The following PLXNA2 variants were observed in gnomAD, a reference collection of about 807,000 sequenced individuals.
PLXNA2 encodes the protein plexin A2.
PLXNA2 carries 91 observed loss-of-function variants against 193.5 expected under a neutral mutation model. The observed-to-expected ratio is 0.47, with a 90% CI of 0.40 to 0.56. The LOEUF is 0.56. Among genes scored for constraint, PLXNA2 ranks in the 20% least tolerant of loss-of-function variants. PLXNA2 has a pLI of 0.00. For missense variants in PLXNA2, 1,995 were observed against 2,503.2 expected (o/e 0.80, Z 4.33); for synonymous variants, 997 against 1,027.3 (o/e 0.97, Z 0.56).
intron 6 of PLXNA2, 59 bp downstream of exon 6, chr1:208,098,787 A>T (rs1666999456): frequency 7.6e-6 from 12 of 1,573,176 alleles, no homozygotes; most frequent in Non-Finnish European, 1.0e-5. Flanking sequence ...AATGGAGCAC[A>T]CCCACACAGG....
chr1:208,144,136 C>G (rs1668537875), intron 3 of PLXNA2, among the ~76,000 whole-genome samples: 1 of 152,120 alleles, frequency 6.6e-6, no homozygotes, highest in African/African-American at 2.4e-5. Context: ...TCATCTTCTC[C>G]CTCTGCCTGT....
intron 3 of PLXNA2, among the ~76,000 whole-genome samples, chr1:208,189,416 A>C (rs1670105653): frequency 6.6e-6 from 1 of 151,936 alleles, no homozygotes; most frequent in African/African-American, 2.4e-5. Context: ...CAGGAGGCCC[A>C]GAATAGGGAG....
intron 3 of PLXNA2, 81 bp from the exon 4 acceptor site, chr1:208,142,544 G>T (rs762017136): frequency 4.9e-5 from 67 of 1,371,422 alleles, no homozygotes; most frequent in Non-Finnish European, 6.2e-5. Flanking sequence ...AGAGCAGGTA[G>T]CTTACAGAAG....
At chr1:208,150,275 T>C (rs934014524) in intron 3 of PLXNA2, among the ~76,000 whole-genome samples, 3 of 152,170 alleles carry the variant, frequency 2.0e-5, no homozygotes, top group South Asian at 2.1e-4. Flanking sequence ...CGGTTAACAC[T>C]GGAGATTGAC....
chr1:208,142,780 A>T (rs1212987918), intron 3 of PLXNA2, among the ~76,000 whole-genome samples: 1 of 152,156 alleles, frequency 6.6e-6, no homozygotes, highest in Non-Finnish European at 1.5e-5. Context: ...AGCACTGTGT[A>T]TTGTATGTGT....
At chr1:208,141,564 A>G (rs1249181544) in intron 4 of PLXNA2, among the ~76,000 whole-genome samples, 5 of 152,182 alleles carry the variant, frequency 3.3e-5, no homozygotes, top group African/African-American at 9.7e-5. Context: ...GCTGCTGCTG[A>G]ACAACTATTA....
At chr1:208,102,182 C>T (rs2102416630) in intron 5 of PLXNA2, among the ~76,000 whole-genome samples, 1 of 152,328 alleles carries the variant, frequency 6.6e-6, no homozygotes, top group Non-Finnish European at 1.5e-5. Context: ...CAGCTTCCCT[C>T]CCTCCCTCCA....
Position 208,046,029 on chromosome 1 carries a change from C to T in PLXNA2, c.3344G>A (p.Arg1115His), listed in dbSNP as rs749983857. Residue 1115 changes from arginine (R) to histidine (H), a missense_variant, in exon 18 of 32, where the codon CGC (arginine) becomes CAC (histidine). This residue lies in a region of PLXNA2 where 1,291 missense variants were observed against 1,673.6 expected (regional missense o/e 0.77). Coordinates refer to ENST00000367033, the MANE Select transcript of PLXNA2 (RefSeq NM_025179.4). ...AAAGACAAATCCAAACTCATCTGGGCGTTCCACAGTGTCCAGGCCAGGGCG... is the reference window on the plus strand; with the variant it reads ...AAAGACAAATCCAAACTCATCTGGGTGTTCCACAGTGTCCAGGCCAGGGCG... ...DYRPGLDTVE[R>H]PDEFGFVFNN... 1.5e-5 allele frequency: 25 copies of T among 1,614,120 alleles called. No individual in the cohort carries two copies. Among genetic ancestry groups the T allele is most frequent in the African/African-American group, 5.3e-5 (4 of 74,934 alleles).
chr1:208,044,587 T>C lies in PLXNA2; in HGVS notation c.3795A>G (p.Arg1265=), dbSNP rs1331067333. 2 of 1,614,114 alleles carry C rather than the reference T, an allele frequency of 1.2e-6. No individual in the cohort carries two copies. Among genetic ancestry groups the C allele is most frequent in the Admixed American group, 3.3e-5 (2 of 60,012 alleles). ...GCCGCTTGAGAGTGAGGTCATTTTC[T>C]CGAGACTTGCGCTTGTAGGCAATGA... ...IVLIAYKRKS[R]ENDLTLKRLQ... The change falls in exon 20 of 32, where the codon CGA becomes CGG. Residue 1265 remains arginine, a synonymous_variant. Coordinates refer to ENST00000367033, the MANE Select transcript of PLXNA2 (RefSeq NM_025179.4). This position sits in a 1 kb window ranked among gnomAD's most constrained non-coding sequence, Gnocchi z 4.9.
rs1664342483 is a variant in PLXNA2, at chr1:208,026,425, T to C, written c.*818A>G. On this transcript the variant is annotated 3_prime_UTR_variant, in exon 32 of 32. Transcript: ENST00000367033. ...ACAGTAGCAAAAAGCATTGGTACTA[T>C]CTAGGTACACATCTCCTCTCAAAAG... 6.6e-6 allele frequency: 1 copy of C among 152,234 alleles called. No individual in the cohort carries two copies. Among genetic ancestry groups the C allele is most frequent in the Non-Finnish European group, 1.5e-5 (1 of 68,038 alleles). The allele number at this position is 152,234 out of a possible 1,614,324, so 9.4% of individuals were successfully genotyped here. A position where few individuals can be genotyped will look rare whatever the true frequency, so the allele number is the denominator to read the frequency against.
rs537442989 is a variant in PLXNA2, at chr1:208,026,705, A to G, written c.*538T>C. ...AAAAGGAGACAGTCATTTTCTCTCCAATGTCTCTCAGCATCTCTGCTTTCT... is the reference window on the plus strand; with the variant it reads ...AAAAGGAGACAGTCATTTTCTCTCCGATGTCTCTCAGCATCTCTGCTTTCT... On this transcript the variant is annotated 3_prime_UTR_variant, in exon 32 of 32. Transcript: ENST00000367033. 2.7e-5 allele frequency: 4 copies of G among 148,320 alleles called. No individual in the cohort carries two copies. In the East Asian group the frequency reaches 8.0e-4, roughly 30 times the overall value. The allele number at this position is 148,320 out of a possible 1,614,324, so 9.2% of individuals were successfully genotyped here.
chr1:208,190,717 C>T (rs1453822613), intron 3 of PLXNA2, among the ~76,000 whole-genome samples: 1 of 152,220 alleles, frequency 6.6e-6, no homozygotes, highest in African/African-American at 2.4e-5. Context: ...TCTGCAAAAT[C>T]ACCTCCAGTT....
chr1:208,239,650 C>T (rs1671982714), intron 1 of PLXNA2, among the ~76,000 whole-genome samples: 2 of 152,222 alleles, frequency 1.3e-5, no homozygotes, highest in Non-Finnish European at 2.9e-5. Context: ...TAGGAAAATC[C>T]TAGTGGTTAT....
rs777149053 is a variant in PLXNA2 at position 208,082,512 on chromosome 1, T to C, written c.2299-4A>G. 44 of 1,612,802 alleles carry C rather than the reference T, an allele frequency of 2.7e-5. 1 individual carries two copies. The highest frequency in any genetic ancestry group is 3.3e-4 in the Middle Eastern group (2 of 6,082). On this transcript the variant is annotated splice_polypyrimidine_tract_variant and splice_region_variant and intron_variant, in intron 10 of 31. Coordinates refer to ENST00000367033, the MANE Select transcript of PLXNA2 (RefSeq NM_025179.4). The surrounding 1 kb of genome is among the most constrained non-coding windows in gnomAD (Gnocchi z 4.2). ...TGTCCATGCCATCATACTGGTACTA[T>C]AGGGAGACGGGCAGAGGCATGGGGC...
intron 4 of PLXNA2, among the ~76,000 whole-genome samples, chr1:208,112,691 G>T (rs1214918343): frequency 6.6e-6 from 1 of 152,154 alleles, no homozygotes; most frequent in African/African-American, 2.4e-5. Context: ...GACATGGGGA[G>T]AATTATGTCT....
At chr1:208,206,562 C>A (rs2102592217) in intron 3 of PLXNA2, among the ~76,000 whole-genome samples, 1 of 152,250 alleles carries the variant, frequency 6.6e-6, no homozygotes, top group South Asian at 2.1e-4. Flanking sequence ...TTCTCTCCCC[C>A]AACTCATCAG....
chr1:208,054,385 T>C, intron 14 of PLXNA2, 36 bp downstream of exon 14: 1 of 1,424,336 alleles, frequency 7.0e-7, no homozygotes, highest in Non-Finnish European at 9.9e-7. Flanking sequence ...GTCTCCTCCC[T>C]GGGCACCTGC....
intron 3 of PLXNA2, among the ~76,000 whole-genome samples, chr1:208,171,618 G>A (rs1171917517): frequency 6.6e-6 from 1 of 152,198 alleles, no homozygotes; most frequent in Non-Finnish European, 1.5e-5. Context: ...GGAGGCCAAG[G>A]CGGGAGGATG....
rs1411766704 is a variant in PLXNA2, at chr1:208,038,966, G to A, written c.4519C>T (p.Pro1507Ser). The change falls in exon 25 of 32, where the codon CCT becomes TCT. Residue 1507 changes from proline (P) to serine (S), a missense_variant. Coordinates refer to ENST00000367033, the MANE Select transcript of PLXNA2 (RefSeq NM_025179.4). This position sits in a 1 kb window ranked among gnomAD's most constrained non-coding sequence, Gnocchi z 4.1. ...YKTLILNCVN[P>S]DNENSPEIPV... is the part of the protein sequence containing the mutation. ...ATCTCTGGACTGTTCTCGTTGTCAGGGTTGACGCAGTTCAGGATCTACAAG... is the reference window on the plus strand; with the variant it reads ...ATCTCTGGACTGTTCTCGTTGTCAGAGTTGACGCAGTTCAGGATCTACAAG... The A allele has an allele frequency of 6.2e-7, 1 of 1,613,808 alleles. No homozygotes were observed. The highest frequency in any genetic ancestry group is 1.3e-5 in the African/African-American group (1 of 74,898).
Sources: allele counts gnomAD v4.1 joint callset (sites outside exome capture counted in the v4.1 genomes callset), GRCh38; gene constraint gnomAD v4.1.1; regional missense constraint gnomAD v4.1.1; non-coding constraint Gnocchi (gnomAD v3.1); transcripts MANE v1.5; gene names NCBI Gene and HGNC (gene_info 2026-07-23, HGNC 2026-07-21).